BTBD9: variants seen among roughly 807,000 people sequenced by gnomAD.
BTBD9 encodes BTB domain containing 9, also known as BTB/POZ domain-containing protein 9.
BTBD9 carries 49 observed loss-of-function variants against 64.3 expected under a neutral mutation model. That is an observed-to-expected ratio of 0.76 (90% CI 0.61 to 0.97). BTBD9 has a LOEUF of 0.97. BTBD9 is among the 50% of genes least tolerant of loss of function. The probability of loss-of-function intolerance (pLI) is 0.00; values close to 1 mark genes in which losing one functional copy is unlikely to be tolerated. For missense variants in BTBD9, 598 were observed against 762.1 expected (o/e 0.78, Z 2.53); for synonymous variants, 260 against 274.7 (o/e 0.95, Z 0.53).
At chr6:38,481,296 C>A (rs1281100381) in intron 6 of BTBD9, among the ~76,000 whole-genome samples, 1 of 152,182 alleles carries the variant, frequency 6.6e-6, no homozygotes, top group Non-Finnish European at 1.5e-5. Flanking sequence ...TAATTCCTTT[C>A]TGAATGAGAG....
intron 6 of BTBD9, among the ~76,000 whole-genome samples, chr6:38,386,683 C>T (rs1478847723): frequency 7.8e-5 from 11 of 141,188 alleles, no homozygotes; most frequent in Non-Finnish European, 1.7e-4. Flanking sequence ...TGTTCTGTCA[C>T]CCAGGCTGAA....
chr6:38,273,423 G>A (rs1017189503), intron 8 of BTBD9, among the ~76,000 whole-genome samples: 2 of 152,180 alleles, frequency 1.3e-5, no homozygotes, highest in Non-Finnish European at 2.9e-5. Flanking sequence ...TGTCAGACAA[G>A]GGGATGCTTC....
intron 7 of BTBD9, among the ~76,000 whole-genome samples, chr6:38,292,450 C>CT (rs1322822669): frequency 5.9e-5 from 9 of 151,734 alleles, no homozygotes; most frequent in Admixed American, 2.6e-4. Flanking sequence ...TGGTCCTGGG[C>CT]TTTTTTTTGG....
chr6:38,235,768 T>C (rs1381704938), intron 9 of BTBD9, among the ~76,000 whole-genome samples: 1 of 152,212 alleles, frequency 6.6e-6, no homozygotes, highest in East Asian at 1.9e-4. Context: ...AAGGTTTTCA[T>C]ATGTGAGTAT....
chr6:38,460,927 A>G (rs1208581657), intron 6 of BTBD9, among the ~76,000 whole-genome samples: 2 of 152,146 alleles, frequency 1.3e-5, no homozygotes, highest in Admixed American at 1.3e-4. Flanking sequence ...CCGGCCCCAC[A>G]GTCTGGGTTT....
At chr6:38,251,263 GA>G (rs900094197) in intron 9 of BTBD9, among the ~76,000 whole-genome samples, 2 of 146,294 alleles carry the variant, frequency 1.4e-5, no homozygotes, top group African/African-American at 5.1e-5. Context: ...AAAGAGGTGT[GA>G]TTTTTTTTTT....
intron 6 of BTBD9, among the ~76,000 whole-genome samples, chr6:38,559,578 T>C (rs949833334): frequency 9.2e-5 from 14 of 152,098 alleles, no homozygotes; most frequent in Admixed American, 3.3e-4. Context: ...AAAAAACTGT[T>C]CTAAAATTCA....
rs912772085 is a variant in BTBD9 at position 38,492,430 on chromosome 6, A to G, written c.1154+85170T>C. Among the ~76,000 whole-genome samples, 7 of 152,360 alleles carry G rather than the reference A, an allele frequency of 4.6e-5. No homozygotes were observed. The East Asian group carries it at 1.3e-3, about 29-fold the overall frequency. ...ACACCTACTGCCTCAGTGTTTATAA[A>G]GTTCAAATGGAGGAAAGGGCTCTTT... On this transcript the variant is annotated intron_variant, in intron 6 of 10. Coordinates refer to ENST00000481247, the MANE Select transcript of BTBD9 (RefSeq NM_001099272.2).
intron 6 of BTBD9, among the ~76,000 whole-genome samples, chr6:38,350,100 G>T (rs2127592301): frequency 6.6e-6 from 1 of 152,278 alleles, no homozygotes; most frequent in East Asian, 1.9e-4. Flanking sequence ...ACCATACCCA[G>T]TGACGTGGTT....
chr6:38,445,421 A>G (rs1417800382), intron 6 of BTBD9, among the ~76,000 whole-genome samples: 1 of 152,248 alleles, frequency 6.6e-6, no homozygotes, highest in African/African-American at 2.4e-5. Flanking sequence ...GTCAAAGTCT[A>G]CCAGGAAGGG....
At chr6:38,296,421 C>A (rs2127560440) in intron 7 of BTBD9, among the ~76,000 whole-genome samples, 1 of 152,054 alleles carries the variant, frequency 6.6e-6, no homozygotes, top group African/African-American at 2.4e-5. Flanking sequence ...TTTGTTGATT[C>A]TTTTCCTTAT....
At chr6:38,317,373 C>T (rs1278962367) in intron 7 of BTBD9, among the ~76,000 whole-genome samples, 1 of 152,176 alleles carries the variant, frequency 6.6e-6, no homozygotes, top group African/African-American at 2.4e-5. Flanking sequence ...GCCAGACATA[C>T]TGAGCTCCAC....
intron 6 of BTBD9, among the ~76,000 whole-genome samples, chr6:38,372,940 GC>G (rs1765483319): frequency 6.6e-6 from 1 of 152,148 alleles, no homozygotes; most frequent in South Asian, 2.1e-4. Context: ...TCTCCCTGAT[GC>G]TAGGTTTCTC....
intron 9 of BTBD9, among the ~76,000 whole-genome samples, chr6:38,201,447 A>G (rs145539593): frequency 1.3e-5 from 2 of 152,318 alleles, no homozygotes; most frequent in African/African-American, 4.8e-5. Context: ...ATACCTCAAA[A>G]TAATAAAAGC....
At chr6:38,368,629 G>A (rs772212571) in intron 6 of BTBD9, among the ~76,000 whole-genome samples, 15 of 152,032 alleles carry the variant, frequency 9.9e-5, no homozygotes, top group African/African-American at 2.4e-4. Context: ...CACCATGCCC[G>A]GCCTTTACCT....
At chr6:38,449,967 T>A (rs1769446294) in intron 6 of BTBD9, among the ~76,000 whole-genome samples, 1 of 152,160 alleles carries the variant, frequency 6.6e-6, no homozygotes, top group Non-Finnish European at 1.5e-5. Flanking sequence ...CCTTCTGCAC[T>A]CCTATGTTCA....
chr6:38,593,957 G>T lies in BTBD9; in HGVS notation c.549+7C>A. On this transcript the variant is annotated splice_region_variant and intron_variant, in intron 3 of 10. Coordinates refer to ENST00000481247, the MANE Select transcript of BTBD9 (RefSeq NM_001099272.2). ...GCCTATAAATTACTTGTAGACAAAT[G>T]ACACACCTTAGAAAGGGAGAGGAAA... 2 of 1,605,476 alleles carry T rather than the reference G, an allele frequency of 1.2e-6. No homozygotes were observed. Among genetic ancestry groups the T allele is most frequent in the South Asian group, 1.1e-5 (1 of 89,394 alleles).
intron 6 of BTBD9, among the ~76,000 whole-genome samples, chr6:38,444,788 G>C (rs544022300): frequency 1.1e-4 from 17 of 152,310 alleles, no homozygotes; most frequent in African/African-American, 2.6e-4. Context: ...TGTTAAAACA[G>C]CTTTATGGAA....
chr6:38,534,678 T>C (rs1434154432), intron 6 of BTBD9, among the ~76,000 whole-genome samples: 2 of 152,000 alleles, frequency 1.3e-5, no homozygotes, highest in Non-Finnish European at 2.9e-5. Context: ...TCATTCATCA[T>C]GACTGGAATT....
Sources: gnomAD v4.1 joint callset for allele counts (sites outside exome capture counted in the v4.1 genomes callset) on GRCh38, gnomAD v4.1.1 for gene constraint, MANE v1.5 for transcripts, NCBI Gene and HGNC (gene_info 2026-07-23, HGNC 2026-07-21) for gene names.